UROS: variants seen among roughly 807,000 people sequenced by gnomAD.
UROS encodes the protein uroporphyrinogen III synthase.
In UROS, 18 loss-of-function variants were observed where a neutral mutation model predicts 33.0. That is an observed-to-expected ratio of 0.55 (90% CI 0.38 to 0.81). UROS has a LOEUF of 0.81. Ranked by LOEUF, UROS falls within the 30% of genes least tolerant of loss-of-function variation. UROS has a pLI of 0.00. For synonymous variants in UROS, 114 were observed against 121.1 expected (o/e 0.94, Z 0.38); for missense variants, 293 against 314.9 (o/e 0.93, Z 0.53).
chr10:125,786,108 A>C (rs73379257), downstream of UROS, among the ~76,000 whole-genome samples: 2,128 of 152,000 alleles, frequency 0.014, 47 homozygotes, highest in African/African-American at 0.048. Context: ...TCTGGCTTCC[A>C]CCCGGCTTCC....
intron 1 of UROS, among the ~76,000 whole-genome samples, chr10:125,820,526 C>G (rs1276725407): frequency 6.6e-6 from 1 of 152,190 alleles, no homozygotes; most frequent in African/African-American, 2.4e-5. Context: ...TTTCTGAAAA[C>G]AACTTCACAG....
In UROS at chr10:125,815,061, A is replaced by G. The variant is rs121908012; in HGVS notation, c.217T>C (p.Cys73Arg). ...TCAGTTTTATTGTTTTGCTCCAAAC[A>G]TAACTCTGCTGCTTCCACTGCTCTG... ...SPRAVEAAEL[C>R]LEQNNKTEVW... Residue 73 changes from cysteine (C) to arginine (R), a missense_variant, in exon 4 of 10, where the codon TGT (cysteine) becomes CGT (arginine). Coordinates refer to ENST00000368797, the MANE Select transcript of UROS (RefSeq NM_000375.3). 2.7e-4 allele frequency: 428 copies of G among 1,614,220 alleles called. No individual in the cohort carries two copies. The highest frequency in any genetic ancestry group is 3.4e-4 in the Non-Finnish European group (396 of 1,180,030).
At chr10:125,815,254 AT>A in intron 3 of UROS, 124 bp from the exon 4 acceptor site, 1 of 1,057,674 alleles carries the variant, frequency 9.5e-7, no homozygotes. Flanking sequence ...CCTTCCACCC[AT>A]CCCCCCAACA....
intron 1 of UROS, among the ~76,000 whole-genome samples, chr10:125,820,634 C>T (rs1853791535): frequency 6.6e-6 from 1 of 152,188 alleles, no homozygotes; most frequent in Non-Finnish European, 1.5e-5. Flanking sequence ...AAGCATTTTA[C>T]ATGCAAGACT....
intron 9 of UROS, chr10:125,789,208 A>G: frequency 2.1e-6 from 3 of 1,442,944 alleles, no homozygotes; most frequent in Non-Finnish European, 2.7e-6. Flanking sequence ...CGCTCTCATC[A>G]GTCTGCCACC....
intron 4 of UROS, 131 bp downstream of exon 4, chr10:125,814,901 CAG>C: frequency 9.8e-7 from 1 of 1,017,818 alleles, no homozygotes; most frequent in Non-Finnish European, 1.5e-6. Context: ...TTTCCCAAGG[CAG>C]AGTCTGTGAC....
chr10:125,809,314 T>C (rs1852597927), intron 5 of UROS, among the ~76,000 whole-genome samples: 1 of 152,262 alleles, frequency 6.6e-6, no homozygotes, highest in Admixed American at 6.5e-5. Flanking sequence ...GCACCTGACC[T>C]TTGGGCAGCC....
At chr10:125,804,947 G>A (rs1449002773) in intron 6 of UROS, among the ~76,000 whole-genome samples, 2 of 152,232 alleles carry the variant, frequency 1.3e-5, no homozygotes, top group African/African-American at 4.8e-5. Context: ...GCCCTGCAAA[G>A]GGCCTGGCAC....
At chr10:125,802,955 T>C in intron 6 of UROS, 2 of 1,612,808 alleles carry the variant, frequency 1.2e-6, no homozygotes, top group Non-Finnish European at 1.7e-6. Context: ...ATTACTCCAA[T>C]GATTCATCAG....
intron 6 of UROS, among the ~76,000 whole-genome samples, chr10:125,801,038 G>C (rs1391922555): frequency 6.6e-6 from 1 of 152,170 alleles, no homozygotes; most frequent in African/African-American, 2.4e-5. Flanking sequence ...ACTGAAGGAC[G>C]TGCACACATC....
chr10:125,798,841 G>A (rs2133848975), intron 6 of UROS, among the ~76,000 whole-genome samples: 1 of 152,306 alleles, frequency 6.6e-6, no homozygotes, highest in East Asian at 1.9e-4. Flanking sequence ...GAATAGTGAG[G>A]ACAGCATAGG....
intron 7 of UROS, among the ~76,000 whole-genome samples, 165 bp downstream of exon 7, chr10:125,797,900 T>C (rs1851498464): frequency 6.6e-6 from 1 of 152,220 alleles, no homozygotes; most frequent in Admixed American, 6.5e-5. Context: ...AGACTGCACG[T>C]CCACTCTTCC....
chr10:125,791,676 G>A (rs1850943856), intron 9 of UROS: 1 of 152,180 alleles, frequency 6.6e-6, no homozygotes. Context: ...CAGCATGGAT[G>A]AACCTTGAAA....
chr10:125,787,486 C>G (rs1009806259), downstream of UROS, among the ~76,000 whole-genome samples: 6 of 152,154 alleles, frequency 3.9e-5, no homozygotes, highest in Non-Finnish European at 7.3e-5. Flanking sequence ...CGGGTGCACA[C>G]TGGAGGCACC....
intron 6 of UROS, chr10:125,802,990 TTC>T (rs1851968639): frequency 6.2e-7 from 1 of 1,612,908 alleles, no homozygotes. Flanking sequence ...CAAACCCACT[TTC>T]TTCACTTCAA....
rs760110818 is a variant in UROS, at chr10:125,812,228, G to A, written c.305C>T (p.Ala102Val). 4 of 1,613,890 alleles carry A rather than the reference G, an allele frequency of 2.5e-6. No individual in the cohort carries two copies. The highest frequency in any genetic ancestry group is 3.3e-5 in the Admixed American group (2 of 60,020). The change falls in exon 5 of 10, where the codon GCT becomes GTT. Residue 102 changes from alanine to valine, a missense_variant. Ala to Val is a moderately conservative substitution (Grantham distance 64). Transcript: ENST00000368797. ...TGACTCCTTACCTAGAGAAGCAGTA[G>A]CATTTCCAACCACATACACTGACTT... ...NAKSVYVVGN[A>V]TASLVSKIGL...
At chr10:125,818,272 C>T (rs923933351) in intron 1 of UROS, among the ~76,000 whole-genome samples, 1 of 152,088 alleles carries the variant, frequency 6.6e-6, no homozygotes, top group Admixed American at 6.5e-5. Flanking sequence ...TGCTTGAGAG[C>T]AGGAGTCCAA....
At chr10:125,790,955 G>C (rs1850887419) in intron 9 of UROS, among the ~76,000 whole-genome samples, 1 of 150,290 alleles carries the variant, frequency 6.7e-6, no homozygotes, top group Non-Finnish European at 1.5e-5. Context: ...AGCCAGGCAT[G>C]GTGGCGTGCA....
intron 1 of UROS, among the ~76,000 whole-genome samples, chr10:125,817,856 C>T (rs115988393): frequency 0.021 from 3,146 of 152,108 alleles, 120 homozygotes; most frequent in African/African-American, 0.071. Context: ...ACTTTGAATA[C>T]GAAAATGTTT....
Sources: allele counts gnomAD v4.1 joint callset (sites outside exome capture counted in the v4.1 genomes callset), GRCh38; gene constraint gnomAD v4.1.1; transcripts MANE v1.5; gene names NCBI Gene and HGNC (gene_info 2026-07-23, HGNC 2026-07-21).